The following PCSK7 variants were observed in gnomAD, a reference collection of about 807,000 sequenced individuals.
PCSK7 encodes proprotein convertase subtilisin/kexin type 7, also known as lymphoma proprotein convertase.
Under a neutral mutation model 73.3 loss-of-function variants are expected in PCSK7, and 38 were observed. The ratio of observed to expected loss-of-function variants is 0.52; its 90% CI spans 0.40 to 0.68. The LOEUF is 0.68. PCSK7 is among the 30% of genes least tolerant of loss of function. The pLI is 0.00. For missense variants in PCSK7, 692 were observed against 991.5 expected, an observed-to-expected ratio of 0.70 and a Z score of 4.06; for synonymous variants, 296 against 383.8, an observed-to-expected ratio of 0.77 and a Z score of 2.68.
Position 117,218,373 on chromosome 11 carries a change from G to T in PCSK7, c.1534+93C>A, listed in dbSNP as rs909082070. 3.1e-5 allele frequency: 20 copies of T among 652,512 alleles called. No homozygotes were observed. The highest frequency in any genetic ancestry group is 4.9e-5 in the Non-Finnish European group (19 of 384,252). 40.4% of individuals were successfully genotyped at this position (652,512 alleles called of 1,614,324 possible). On this transcript the variant is annotated intron_variant, in intron 12 of 16. Coordinates refer to ENST00000320934, the MANE Select transcript of PCSK7 (RefSeq NM_004716.4). The surrounding 1 kb of genome is among the most constrained non-coding windows in gnomAD (Gnocchi z 4.0). ...GGCTGGAGCTCAGCTCCGAAAGGGG[G>T]TAGAATCTGGCAGGGAGGACGAGTT...
In PCSK7 at chr11:117,231,105, G is replaced by C. The variant is rs2032640939; in HGVS notation, c.-132-637C>G. The C allele has an allele frequency of 2.6e-5, 4 of 152,104 alleles. No individual in the cohort carries two copies. The South Asian group carries it at 8.3e-4, about 32-fold the overall frequency. The allele number at this position is 152,104 out of a possible 1,614,324, so 9.4% of individuals were successfully genotyped here. A position where few individuals can be genotyped will look rare whatever the true frequency, so the allele number is the denominator to read the frequency against. Reference sequence around the variant, plus strand: ...GTTAGAACTGGGGGACAGACAAATGGGGTGGCAGGACATGTGTGTACCTAT... The same window carrying C: ...GTTAGAACTGGGGGACAGACAAATGCGGTGGCAGGACATGTGTGTACCTAT... On this transcript the variant is annotated intron_variant, in intron 1 of 16. Coordinates refer to ENST00000320934, the MANE Select transcript of PCSK7 (RefSeq NM_004716.4).
Position 117,225,923 on chromosome 11 carries a change from TG to T in PCSK7, c.860+7del. ...GCTCTTGCCCTCTCATCTGCAGCTC[TG>T]CCTCACCTGCAGCTGTAGATGTCAT... On this transcript the variant is annotated splice_region_variant and intron_variant, in intron 6 of 16. Transcript: ENST00000320934. 6.4e-7 allele frequency: 1 copy of T among 1,561,714 alleles called. No homozygotes were observed. The highest frequency in any genetic ancestry group is 8.8e-7 in the Non-Finnish European group (1 of 1,132,344).
intron 5 of PCSK7, chr11:117,226,800 A>G (rs974344896): frequency 5.1e-6 from 1 of 197,856 alleles, no homozygotes; most frequent in African/African-American, 2.3e-5. Context: ...AGCTCCCCCA[A>G]AAGGATGGAG....
At chr11:117,219,884 T>A in intron 9 of PCSK7, 126 bp from the exon 10 acceptor site, 1 of 617,878 alleles carries the variant, frequency 1.6e-6, no homozygotes, top group Non-Finnish European at 2.7e-6. Context: ...ACAGGAGTTA[T>A]GACTGTGCCA....
Position 117,204,540 on chromosome 11 carries a change from C to A in PCSK7, c.*1457G>T. 1 of 911,516 alleles carries A rather than the reference C, an allele frequency of 1.1e-6. No homozygotes were observed. Among genetic ancestry groups the A allele is most frequent in the Non-Finnish European group, 1.7e-6 (1 of 578,874 alleles). The allele number at this position is 911,516 out of a possible 1,614,324, so 56.5% of individuals were successfully genotyped here. Reference sequence around the variant, plus strand: ...CCTCCCTGTGCCCCCAGCCTCAGCCCAACTTCTTACCCGAAAGCATCACTG... The same window carrying A: ...CCTCCCTGTGCCCCCAGCCTCAGCCAAACTTCTTACCCGAAAGCATCACTG... On this transcript the variant is annotated 3_prime_UTR_variant, in exon 17 of 17. Transcript: ENST00000320934.
intron 12 of PCSK7, chr11:117,215,319 T>A: frequency 6.9e-6 from 1 of 145,026 alleles, no homozygotes; most frequent in Non-Finnish European, 1.5e-5. Flanking sequence ...CCTCAACCTC[T>A]TGAATAGCTG....
chr11:117,229,493 C>T lies in PCSK7; in HGVS notation c.352G>A (p.Glu118Lys). The T allele has an allele frequency of 6.2e-7, 1 of 1,612,290 alleles. No individual in the cohort carries two copies. The highest frequency in any genetic ancestry group is 8.5e-7 in the Non-Finnish European group (1 of 1,180,028). Residue 118 changes from glutamate (E) to lysine (K), a missense_variant, in exon 3 of 17, where the codon GAG becomes AAG. Glu to Lys is a moderately conservative substitution (Grantham distance 56). Coordinates refer to ENST00000320934, the MANE Select transcript of PCSK7 (RefSeq NM_004716.4). ...GCTTCATGCCCAGCCAACACAGCCT[C>T]CACCTGCTGCCGGATGGCCTCCACC... is the stretch of plus-strand genomic sequence containing the variant. The part of the protein sequence containing the change: ...LEVEAIRQQV[E>K]AVLAGHEAVR...
At chr11:117,210,368 T>G (rs1465877860) in intron 12 of PCSK7, 2 of 151,304 alleles carry the variant, frequency 1.3e-5, no homozygotes, top group Non-Finnish European at 2.9e-5. Context: ...TTCTTTTTTT[T>G]TTTTTTTTTG....
chr11:117,224,092 T>G lies in PCSK7; in HGVS notation c.1040A>C (p.Tyr347Ser). The G allele has an allele frequency of 6.2e-7, 1 of 1,614,168 alleles. No homozygotes were observed. The highest frequency in any genetic ancestry group is 8.5e-7 in the Non-Finnish European group (1 of 1,179,998). The change falls in exon 8 of 17, where the codon TAC becomes TCC. Residue 347 changes from tyrosine (Y) to serine (S), a missense_variant. This residue lies in a region of PCSK7 where 574 missense variants were observed against 689.8 expected (regional missense o/e 0.83). Transcript: ENST00000320934. ...CNYDGYANSI[Y>S]TVTIGAVDEE... The stretch of plus-strand genomic sequence containing the variant: ...TGGGTGACTACCTATGGTGACGGTG[T>G]AGATGGAGTTGGCGTAGCCATCGTA...
intron 12 of PCSK7, chr11:117,215,423 T>TG (rs1472981317): frequency 3.8e-5 from 5 of 130,562 alleles, no homozygotes; most frequent in Non-Finnish European, 7.9e-5. Context: ...TTTTTTGAGA[T>TG]GGAGTCTCGC....
At chr11:117,224,591 G>T in intron 7 of PCSK7, 110 bp downstream of exon 7, 2 of 906,670 alleles carry the variant, frequency 2.2e-6, no homozygotes, top group Non-Finnish European at 3.7e-6. Flanking sequence ...TTCCTGAAAG[G>T]AGACTGAGCG....
chr11:117,213,696 A>G (rs1172990112), intron 12 of PCSK7: 1 of 152,234 alleles, frequency 6.6e-6, no homozygotes, highest in Non-Finnish European at 1.5e-5. Context: ...CAGTGTACGC[A>G]GTGGCATGCT....
At chr11:117,229,202 C>A (rs1157352193) in intron 3 of PCSK7, among the ~76,000 whole-genome samples, 175 bp downstream of exon 3, 1 of 152,176 alleles carries the variant, frequency 6.6e-6, no homozygotes, top group African/African-American at 2.4e-5. Flanking sequence ...TGTAGAACAC[C>A]GGCCTCTAGA....
chr11:117,224,264 A>G lies in PCSK7; in HGVS notation c.916-48T>C, dbSNP rs778079838. ...TGTCAGTTGAGGAACCCACAGAAAG[A>G]CCTCCGCCTACCACATCAGTCACCC... On this transcript the variant is annotated intron_variant, in intron 7 of 16. Transcript: ENST00000320934. 4 of 1,579,892 alleles carry G rather than the reference A, an allele frequency of 2.5e-6. No individual in the cohort carries two copies. In the African/African-American group the frequency reaches 5.4e-5, roughly 21 times the overall value.
chr11:117,204,547 T>C lies in PCSK7; in HGVS notation c.*1450A>G, dbSNP rs2031256408. ...GTGCCCCCAGCCTCAGCCCAACTTC[T>C]TACCCGAAAGCATCACTGCCTTGGC... On this transcript the variant is annotated 3_prime_UTR_variant, in exon 17 of 17. Transcript: ENST00000320934. The C allele has an allele frequency of 1.1e-6, 1 of 872,770 alleles. No homozygotes were observed. Among genetic ancestry groups the C allele is most frequent in the Admixed American group, 2.0e-5 (1 of 49,624 alleles). 54.1% of individuals were successfully genotyped at this position (872,770 alleles called of 1,614,324 possible). A position where few individuals can be genotyped will look rare whatever the true frequency, so the allele number is the denominator to read the frequency against.
chr11:117,230,361 T>G lies in PCSK7; in HGVS notation c.-25A>C, dbSNP rs1018024497. ...GCCCCGTGCCCACCTGGATTCTACA[T>G]GAGGTTGAGCTCCTGGTCTGGCTAA... On this transcript the variant is annotated 5_prime_UTR_variant, in exon 2 of 17. The change abolishes an upstream ATG in the 5' untranslated region. Coordinates refer to ENST00000320934, the MANE Select transcript of PCSK7 (RefSeq NM_004716.4). 1 of 154,144 alleles carries G rather than the reference T, an allele frequency of 6.5e-6. No homozygotes were observed. The highest frequency in any genetic ancestry group is 1.4e-5 in the Non-Finnish European group (1 of 69,534). The allele number at this position is 154,144 out of a possible 1,614,324, so 9.5% of individuals were successfully genotyped here. A position where few individuals can be genotyped will look rare whatever the true frequency, so the allele number is the denominator to read the frequency against.
At chr11:117,224,057 A>G in intron 8 of PCSK7, 21 bp downstream of exon 8, 1 of 1,613,408 alleles carries the variant, frequency 6.2e-7, no homozygotes, top group Non-Finnish European at 8.5e-7. Context: ...ACACAGGAGC[A>G]CAGAAACATT....
chr11:117,215,436 T>C (rs1284005610), intron 12 of PCSK7: 3 of 139,868 alleles, frequency 2.1e-5, no homozygotes, highest in South Asian at 4.7e-4. Context: ...AGTCTCGCTC[T>C]GTTGTCTAGG....
intron 4 of PCSK7, 111 bp from the exon 5 acceptor site, chr11:117,227,433 A>G (rs1346225392): frequency 1.2e-6 from 1 of 819,742 alleles, no homozygotes; most frequent in African/African-American, 1.7e-5. Flanking sequence ...CTAGGGCGAT[A>G]AGCTCATTTC....
Sources: gnomAD v4.1 joint callset for allele counts (sites outside exome capture counted in the v4.1 genomes callset) on GRCh38, gnomAD v4.1.1 for gene constraint, gnomAD v4.1.1 regional missense constraint, Gnocchi (gnomAD v3.1) non-coding constraint, MANE v1.5 for transcripts, NCBI Gene and HGNC (gene_info 2026-07-23, HGNC 2026-07-21) for gene names.